ANK3: variants seen among roughly 807,000 people sequenced by gnomAD.
ANK3 encodes ankyrin-3.
Under a neutral mutation model 370.9 loss-of-function variants are expected in ANK3, and 57 were observed. The ratio of observed to expected loss-of-function variants is 0.15; its 90% CI spans 0.12 to 0.19. ANK3 has a LOEUF of 0.19. Among genes scored for constraint, ANK3 ranks in the 10% least tolerant of loss-of-function variants. ANK3 has a pLI of 1.00. For synonymous variants in ANK3, 1,929 were observed against 1,946.3 expected, an observed-to-expected ratio of 0.99 and a Z score of 0.23; for missense variants, 4,439 against 5,302.1, an observed-to-expected ratio of 0.84 and a Z score of 5.06.
chr10:60,281,460 C>G (rs964296270), intron 1 of ANK3, among the ~76,000 whole-genome samples: 22 of 152,180 alleles, frequency 1.4e-4, no homozygotes, highest in African/African-American at 5.3e-4. Context: ...TTTAAATAAA[C>G]AGTAACCCAA....
At position 60,096,150 on chromosome 10, in the gene ANK3, G is replaced by T. The variant is rs111388664; in HGVS notation, c.3329-7792C>A. Among the ~76,000 whole-genome samples, 570 of 152,202 alleles carry T rather than the reference G, an allele frequency of 3.7e-3. 2 individuals are homozygous for T. Among genetic ancestry groups the T allele is most frequent in the African/African-American group, 0.013 (544 of 41,506 alleles). ...ATCATGCCACTGCACTGCAGCCTGG[G>T]TGACACAGCGAGACTCCATCTCAAA... On this transcript the variant is annotated intron_variant, in intron 28 of 43. Transcript: ENST00000280772.
Position 60,321,095 on chromosome 10 carries a change from A to G in ANK3, c.115-41456T>C, listed in dbSNP as rs76921660. ...TATACAAACATAATAATGATGTTATATAAAATCATAGTTGGCTGGGCATGG... is the reference window on the plus strand; with the variant it reads ...TATACAAACATAATAATGATGTTATGTAAAATCATAGTTGGCTGGGCATGG... On this transcript the variant is annotated intron_variant, in intron 1 of 43. Coordinates refer to ENST00000280772, the MANE Select transcript of ANK3 (RefSeq NM_020987.5). Among the ~76,000 whole-genome samples the G allele has an allele frequency of 3.0e-3, 450 of 152,352 alleles. 7 individuals are homozygous for G. The highest frequency in any genetic ancestry group is 0.024 in the East Asian group (124 of 5,190).
rs563665518 is a variant in ANK3 at position 60,271,181 on chromosome 10, T to G, written c.415-952A>C. Among the ~76,000 whole-genome samples the G allele has an allele frequency of 5.3e-5, 8 of 152,146 alleles. No homozygotes were observed. The East Asian group carries it at 1.5e-3, about 29-fold the overall frequency. On this transcript the variant is annotated intron_variant, in intron 4 of 43. Transcript: ENST00000280772. ...AAACAATTTTCAAACTATAATTCTT[T>G]TATTATTATTATTTTGAGACAGGGT...
At chr10:60,417,688 G>A (rs1003414385) in intron 2 of ANK3, among the ~76,000 whole-genome samples, 1 of 152,150 alleles carries the variant, frequency 6.6e-6, no homozygotes, top group African/African-American at 2.4e-5. Context: ...CTACTGGAGG[G>A]ACACAGACTG....
chr10:60,035,529 A>G (rs1030264605), intron 43 of ANK3, among the ~76,000 whole-genome samples: 2 of 151,780 alleles, frequency 1.3e-5, no homozygotes, highest in Non-Finnish European at 2.9e-5. Flanking sequence ...CTGGGATTAC[A>G]GGTGTGAGCC....
At chr10:60,506,273 C>T (rs973211534) in intron 2 of ANK3, among the ~76,000 whole-genome samples, 5 of 152,066 alleles carry the variant, frequency 3.3e-5, no homozygotes, top group African/African-American at 7.2e-5. Context: ...ACTCAGTTAA[C>T]ATCAGCACCC....
chr10:60,671,986 G>A (rs370548483), intron 1 of ANK3, among the ~76,000 whole-genome samples: 1 of 152,200 alleles, frequency 6.6e-6, no homozygotes, highest in African/African-American at 2.4e-5. Context: ...ATCATGAATC[G>A]GAAACCCCTA....
rs763503501 is a variant in ANK3 at position 60,270,233 on chromosome 10, C to A, written c.415-4G>T. ...TATACAATGGCGTGAAACCATTCTG[C>A]AAAATAAGAAAAAAAATGTTTGTCT... On this transcript the variant is annotated splice_region_variant and splice_polypyrimidine_tract_variant and intron_variant, in intron 4 of 43. Coordinates refer to ENST00000280772, the MANE Select transcript of ANK3 (RefSeq NM_020987.5). 11 of 1,563,610 alleles carry A rather than the reference C, an allele frequency of 7.0e-6. No homozygotes were observed. Among genetic ancestry groups the A allele is most frequent in the Admixed American group, 5.7e-5 (3 of 52,390 alleles).
chr10:60,587,904 G>A (rs1370488487), intron 2 of ANK3, among the ~76,000 whole-genome samples: 1 of 152,010 alleles, frequency 6.6e-6, no homozygotes, highest in Non-Finnish European at 1.5e-5. Context: ...TAGAATTTTT[G>A]TGATCCTAAT....
intron 2 of ANK3, among the ~76,000 whole-genome samples, chr10:60,505,914 G>A (rs183578420): frequency 9.2e-5 from 14 of 152,140 alleles, no homozygotes; most frequent in African/African-American, 2.9e-4. Flanking sequence ...GTAAAATGGC[G>A]AATATCACTG....
chr10:60,068,583 G>C (rs1038863973), intron 37 of ANK3, 54 bp downstream of exon 37: 5 of 1,513,860 alleles, frequency 3.3e-6, no homozygotes, highest in Non-Finnish European at 4.4e-6. Flanking sequence ...AACTATGCTC[G>C]TTCTCCAGGA....
At chr10:60,711,393 T>A (rs1321819935) in intron 1 of ANK3, among the ~76,000 whole-genome samples, 8 of 151,080 alleles carry the variant, frequency 5.3e-5, no homozygotes, top group South Asian at 2.1e-4. Flanking sequence ...AATAAATAAA[T>A]AAATAAATAA....
intron 1 of ANK3, among the ~76,000 whole-genome samples, chr10:60,329,835 C>A (rs2050787329): frequency 6.6e-6 from 1 of 152,124 alleles, no homozygotes; most frequent in Admixed American, 6.6e-5. Context: ...CAAGACAATC[C>A]TAAGCAAAAA....
intron 1 of ANK3, among the ~76,000 whole-genome samples, chr10:60,352,964 A>G (rs1222848203): frequency 6.6e-6 from 1 of 151,962 alleles, no homozygotes; most frequent in East Asian, 1.9e-4. Context: ...AACAAATGAA[A>G]AATAGGAGGT....
intron 1 of ANK3, among the ~76,000 whole-genome samples, chr10:60,296,108 G>A (rs145631383): frequency 2.8e-4 from 43 of 152,214 alleles, no homozygotes; most frequent in African/African-American, 9.6e-4. Flanking sequence ...TACTATTTTT[G>A]CAAAGTACAG....
chr10:60,186,282 A>C (rs2096326255), intron 17 of ANK3, among the ~76,000 whole-genome samples: 1 of 151,826 alleles, frequency 6.6e-6, no homozygotes, highest in Non-Finnish European at 1.5e-5. Flanking sequence ...ACATAGAGCC[A>C]CTTCCATATA....
At chr10:60,731,699 G>A (rs1318813202) in intron 1 of ANK3, among the ~76,000 whole-genome samples, 9 of 152,158 alleles carry the variant, frequency 5.9e-5, no homozygotes, top group Admixed American at 5.9e-4. Flanking sequence ...TTTGAGCCCA[G>A]GTCAGCAGAT....
At position 60,072,002 on chromosome 10, in the gene ANK3, A is replaced by G. The variant is rs749945127; in HGVS notation, c.8879T>C (p.Ile2960Thr). The change falls in exon 37 of 44, where the codon ATT (isoleucine) becomes ACT (threonine). Residue 2960 changes from isoleucine to threonine, a missense_variant. By Grantham distance (89) the Ile-to-Thr change is moderately conservative. Around this residue, in one of 13 missense-constraint regions of ANK3, gnomAD observed 1,601 missense variants for 1,731.7 expected, o/e 0.92. Coordinates refer to ENST00000280772, the MANE Select transcript of ANK3 (RefSeq NM_020987.5). ...CCTCTCATCAGCAACTCTGACGGGA[A>G]TGTGTGACACTGCTGAGCTCTCGCT... ...RRSESSAVSH[I>T]PVRVADERRM... 10 of 1,614,006 alleles carry G rather than the reference A, an allele frequency of 6.2e-6. No individual in the cohort carries two copies. In the African/African-American group the frequency reaches 1.3e-4, roughly 22 times the overall value.
At chr10:60,615,304 CA>C (rs2078253395) in intron 1 of ANK3, 1 of 956,142 alleles carries the variant, frequency 1.0e-6, no homozygotes, top group African/African-American at 1.7e-5. Context: ...TACACATGCA[CA>C]TTATTAATTG....
Sources: gnomAD v4.1 joint callset for allele counts (sites outside exome capture counted in the v4.1 genomes callset) on GRCh38, gnomAD v4.1.1 for gene constraint, gnomAD v4.1.1 regional missense constraint, MANE v1.5 for transcripts, NCBI Gene and HGNC (gene_info 2026-07-23, HGNC 2026-07-21) for gene names.